Variants in SYNE1 observed in about 807,000 individuals in gnomAD.
The protein encoded by SYNE1 is spectrin repeat containing nuclear envelope protein 1.
Under a neutral mutation model 1,111.0 loss-of-function variants are expected in SYNE1, and 616 were observed. The observed-to-expected ratio is 0.55, with a 90% CI of 0.52 to 0.59. The LOEUF is 0.59. Among genes scored for constraint, SYNE1 ranks in the 20% least tolerant of loss-of-function variants. The probability of loss-of-function intolerance (pLI) is 0.00; values close to 1 mark genes in which losing one functional copy is unlikely to be tolerated. For missense variants in SYNE1, 10,006 were observed against 10,417.0 expected, an observed-to-expected ratio of 0.96 and a Z score of 1.72; for synonymous variants, 3,855 against 3,825.8, an observed-to-expected ratio of 1.01 and a Z score of -0.28.
At chr6:152,427,918 C>T in intron 37 of SYNE1, 102 bp from the exon 38 acceptor site, 1 of 1,518,008 alleles carries the variant, frequency 6.6e-7, no homozygotes, top group Non-Finnish European at 9.0e-7. Flanking sequence ...ATAGTAAATA[C>T]AGCCTCAGTT....
intron 84 of SYNE1, among the ~76,000 whole-genome samples, chr6:152,320,812 C>T (rs2095853601): frequency 6.6e-6 from 1 of 152,190 alleles, no homozygotes; most frequent in South Asian, 2.1e-4. Flanking sequence ...AACTTCATCC[C>T]TGCCTTGATC....
chr6:152,362,583 G>C (rs2096952571), intron 63 of SYNE1, among the ~76,000 whole-genome samples: 1 of 152,088 alleles, frequency 6.6e-6, no homozygotes, highest in South Asian at 2.1e-4. Flanking sequence ...GTCAGCGGCT[G>C]GGGGGACACG....
chr6:152,450,806 G>C lies in SYNE1; in HGVS notation c.3214C>G (p.His1072Asp), dbSNP rs748890313. The C allele has an allele frequency of 6.2e-6, 10 of 1,613,984 alleles. No homozygotes were observed. The South Asian group carries it at 9.9e-5, about 16-fold the overall frequency. ...RVFFSDKGPH[H>D]LCEKRLQLIE... Reference sequence around the variant, plus strand: ...AGCTGTAACCTTTTCTCACAGAGATGATGAGGACCTTTGTCACTGAAGAAA... The same window carrying C: ...AGCTGTAACCTTTTCTCACAGAGATCATGAGGACCTTTGTCACTGAAGAAA... Residue 1072 changes from histidine (H) to aspartate (D), a missense_variant, in exon 27 of 146, where the codon CAT (histidine) becomes GAT (aspartate). This residue lies in a region of SYNE1 where 1,971 missense variants were observed against 2,084.1 expected (regional missense o/e 0.95). Coordinates refer to ENST00000367255, the MANE Select transcript of SYNE1 (RefSeq NM_182961.4).
intron 3 of SYNE1, among the ~76,000 whole-genome samples, chr6:152,606,643 T>TTTTGTTTGTTTG (rs560731620): frequency 1.6e-3 from 216 of 137,368 alleles, no homozygotes; most frequent in African/African-American, 5.8e-3. Flanking sequence ...TTCTGAGTTT[T>TTTTGTTTGTTTG]TTTGTTTGTT....
intron 130 of SYNE1, among the ~76,000 whole-genome samples, chr6:152,168,855 C>T (rs2153068492): frequency 6.6e-6 from 1 of 152,166 alleles, no homozygotes; most frequent in South Asian, 2.1e-4. Context: ...TAAAAATAAT[C>T]ATGTAGATGA....
chr6:152,325,233 C>T lies in SYNE1; in HGVS notation c.15508G>A (p.Glu5170Lys), dbSNP rs2096027336. 1.9e-6 allele frequency: 3 copies of T among 1,614,006 alleles called. No homozygotes were observed. Among genetic ancestry groups the T allele is most frequent in the Non-Finnish European group, 2.5e-6 (3 of 1,180,036 alleles). Reference sequence around the variant, plus strand: ...TTGCTGGCATCATTTCCGGTTTTCTCCAGTTGTGAAGCTTTTTCCTCAAGG... The same window carrying T: ...TTGCTGGCATCATTTCCGGTTTTCTTCAGTTGTGAAGCTTTTTCCTCAAGG... ...VALEEKASQLEKTGNDASKAT... is the reference protein window; with the variant it reads ...VALEEKASQLKKTGNDASKAT... Residue 5170 changes from glutamate (E) to lysine (K), a missense_variant, in exon 81 of 146, where the codon GAG (glutamate) becomes AAG (lysine). Coordinates refer to ENST00000367255, the MANE Select transcript of SYNE1 (RefSeq NM_182961.4).
At position 152,428,399 on chromosome 6, in the gene SYNE1, A is replaced by G. The variant is rs1592495282; in HGVS notation, c.4789-7T>C. ...CCAGGGCCTGGCAGAGATCCTAAGA[A>G]GAGTGCGAGAAGAATGCAGTGAAAG... is the stretch of plus-strand genomic sequence containing the variant. On this transcript the variant is annotated splice_region_variant and splice_polypyrimidine_tract_variant and intron_variant, in intron 36 of 145. Transcript: ENST00000367255. The G allele has an allele frequency of 6.2e-7, 1 of 1,613,220 alleles. No homozygotes were observed. The highest frequency in any genetic ancestry group is 8.5e-7 in the Non-Finnish European group (1 of 1,180,020).
At chr6:152,341,050 C>G (rs1028210699) in intron 74 of SYNE1, among the ~76,000 whole-genome samples, 4 of 152,130 alleles carry the variant, frequency 2.6e-5, no homozygotes. Flanking sequence ...TTTTGTGACT[C>G]CAATCTGAGT....
intron 39 of SYNE1, among the ~76,000 whole-genome samples, chr6:152,422,617 C>T (rs1384046479): frequency 1.3e-5 from 2 of 152,178 alleles, no homozygotes; most frequent in African/African-American, 4.8e-5. Flanking sequence ...ATCCTCCTGC[C>T]TCAGCTTTCT....
intron 81 of SYNE1, among the ~76,000 whole-genome samples, chr6:152,324,133 T>G (rs1195370309): frequency 2.6e-5 from 4 of 152,204 alleles, no homozygotes; most frequent in Non-Finnish European, 5.9e-5. Context: ...ATGTGGTGGC[T>G]CGTGCCTGTA....
At position 152,376,812 on chromosome 6, in the gene SYNE1, C is replaced by T; in HGVS notation, c.9110G>A (p.Ser3037Asn). The change falls in exon 57 of 146, where the codon AGT (serine) becomes AAT (asparagine). Residue 3037 changes from serine to asparagine, a missense_variant. By Grantham distance (46) the Ser-to-Asn change is conservative. Transcript: ENST00000367255. ...TTTAATCAAGCCAGAAACTTTTCCA[C>T]TGTAGGTACTCAGGTCTCTGGAAAA... is the stretch of plus-strand genomic sequence containing the variant. ...CRFSRDLSTYSGKVSGLIKEY... is the reference protein window; with the variant it reads ...CRFSRDLSTYNGKVSGLIKEY... 1 of 1,614,094 alleles carries T rather than the reference C, an allele frequency of 6.2e-7. No homozygotes were observed. Among genetic ancestry groups the T allele is most frequent in the Non-Finnish European group, 8.5e-7 (1 of 1,180,000 alleles).
intron 126 of SYNE1, among the ~76,000 whole-genome samples, chr6:152,204,272 C>T (rs145834216): frequency 2.4e-4 from 36 of 150,170 alleles, no homozygotes; most frequent in Non-Finnish European, 4.7e-4. Flanking sequence ...GGCTGATGCA[C>T]GAGAATCACT....
chr6:152,525,992 CAGCACATCTT>C (rs2099161738), intron 5 of SYNE1, 78 bp downstream of exon 5: 9 of 1,192,800 alleles, frequency 7.5e-6, no homozygotes, highest in Non-Finnish European at 1.1e-5. Flanking sequence ...TTTACCTGGG[CAGCACATCTT>C]AGCACTCTCA....
In SYNE1 at chr6:152,528,306, C is replaced by CTGAA. The variant is rs145549418; in HGVS notation, c.130-2135_130-2132dup. On this transcript the variant is annotated intron_variant, in intron 4 of 145. Transcript: ENST00000367255. ...GCTGGCTTGCTGGCTGACTGACTGA[C>CTGAA]TGAATGAATGAATGAATGAATGTAA... 6.2e-4 allele frequency among the ~76,000 whole-genome samples: 94 copies of CTGAA among 151,860 alleles called. 1 individual carries two copies. Among genetic ancestry groups the CTGAA allele is most frequent in the South Asian group, 2.3e-3 (11 of 4,814 alleles).
At chr6:152,519,041 G>A (rs2099126432) in intron 6 of SYNE1, among the ~76,000 whole-genome samples, 3 of 152,012 alleles carry the variant, frequency 2.0e-5, no homozygotes, top group South Asian at 4.2e-4. Context: ...AATGCTAAAT[G>A]ACAAGCTAAT....
At chr6:152,498,825 T>C (rs934791574) in intron 10 of SYNE1, 33 bp from the exon 11 acceptor site, 3 of 1,270,608 alleles carry the variant, frequency 2.4e-6, no homozygotes, top group Non-Finnish European at 2.2e-6. Context: ...TATAGAAATA[T>C]AATATAAATC....
At chr6:152,150,004 A>C (rs2060136896) in intron 135 of SYNE1, among the ~76,000 whole-genome samples, 1 of 152,222 alleles carries the variant, frequency 6.6e-6, no homozygotes, top group South Asian at 2.1e-4. Context: ...ATCCCTAATG[A>C]AAGCAATGGC....
chr6:152,483,250 C>T lies in SYNE1; in HGVS notation c.1186-1G>A. On this transcript the variant is annotated splice_acceptor_variant, in intron 13 of 145. Transcript: ENST00000367255. LOFTEE classifies it high-confidence loss of function. ...CAAGCTGTATATGCCAGTCAAAGAGCTAAAATTTAAAAAGCAGAAAAGTAA... is the reference window on the plus strand; with the variant it reads ...CAAGCTGTATATGCCAGTCAAAGAGTTAAAATTTAAAAAGCAGAAAAGTAA... 1 of 1,613,810 alleles carries T rather than the reference C, an allele frequency of 6.2e-7. No homozygotes were observed. The highest frequency in any genetic ancestry group is 1.1e-5 in the South Asian group (1 of 91,058).
At chr6:152,564,273 T>C (rs921648939) in intron 3 of SYNE1, among the ~76,000 whole-genome samples, 1 of 152,204 alleles carries the variant, frequency 6.6e-6, no homozygotes, top group Admixed American at 6.5e-5. Flanking sequence ...TGTTTTCATT[T>C]TTCTGACTCA....
Sources: allele counts gnomAD v4.1 joint callset (sites outside exome capture counted in the v4.1 genomes callset), GRCh38; gene constraint gnomAD v4.1.1; regional missense constraint gnomAD v4.1.1; transcripts MANE v1.5; gene names NCBI Gene and HGNC (gene_info 2026-07-23, HGNC 2026-07-21).